Variants in SAMMSON observed in about 807,000 individuals in gnomAD.
SAMMSON encodes survival associated mitochondrial melanoma specific oncogenic non-coding RNA.
chr3:70,052,644 A>G (rs2067150821), intron 3 of SAMMSON, among the ~76,000 whole-genome samples: 1 of 152,116 alleles, frequency 6.6e-6, no homozygotes, highest in Non-Finnish European at 1.5e-5. Flanking sequence ...ATTTGCATGT[A>G]TGTTTAAATC....
At chr3:70,014,893 T>A (rs2066975424) in intron 3 of SAMMSON, 2 of 152,176 alleles carry the variant, frequency 1.3e-5, no homozygotes, top group Admixed American at 1.3e-4. Context: ...CTAAGGATGA[T>A]CGTGGGATTT....
At chr3:70,274,056 CGTGT>C (rs111792704) in intron 6 of SAMMSON, among the ~76,000 whole-genome samples, 65 of 142,952 alleles carry the variant, frequency 4.5e-4, no homozygotes, top group South Asian at 2.9e-3. Flanking sequence ...ATTAAACCTC[CGTGT>C]GTGTGTGTGT....
At chr3:70,405,742 C>T (rs1410821904) in intron 2 of SAMMSON, among the ~76,000 whole-genome samples, 2 of 151,944 alleles carry the variant, frequency 1.3e-5, no homozygotes, top group Non-Finnish European at 2.9e-5. Flanking sequence ...AGCTGGACTC[C>T]GGAAGGAGAG....
rs140459515 is a variant in SAMMSON, at chr3:70,204,220, G to A, written n.508-44887G>A. On this transcript the variant is annotated intron_variant and non_coding_transcript_variant, in intron 4 of 9. Coordinates refer to ENST00000642114, the Ensembl canonical transcript of SAMMSON. ...TAAATTAGCCACAAACTACATGAAA[G>A]TGGATGCAGTATTCTCTTTTCCCTT... is the stretch of plus-strand genomic sequence containing the variant. 2.8e-4 allele frequency among the ~76,000 whole-genome samples: 42 copies of A among 152,282 alleles called. 2 individuals are homozygous for A. Among genetic ancestry groups the A allele is most frequent in the African/African-American group, 8.9e-4 (37 of 41,570 alleles).
At chr3:70,318,301 T>C (rs1702509480) in intron 7 of SAMMSON, among the ~76,000 whole-genome samples, 1 of 151,950 alleles carries the variant, frequency 6.6e-6, no homozygotes, top group African/African-American at 2.4e-5. Flanking sequence ...GCTTTGATCA[T>C]TTTTTTCCCC....
intron 4 of SAMMSON, among the ~76,000 whole-genome samples, chr3:70,153,079 GA>G (rs904356720): frequency 9.9e-5 from 15 of 151,896 alleles, no homozygotes; most frequent in African/African-American, 2.9e-4. Context: ...ATTGTCCCTA[GA>G]AGTTATATAT....
At chr3:70,296,863 G>A (rs1212375728) in intron 7 of SAMMSON, among the ~76,000 whole-genome samples, 1 of 151,934 alleles carries the variant, frequency 6.6e-6, no homozygotes, top group African/African-American at 2.4e-5. Context: ...TGGCCTCTCT[G>A]TGCTTAGTGC....
intron 4 of SAMMSON, among the ~76,000 whole-genome samples, chr3:70,154,535 T>A (rs903551159): frequency 6.6e-6 from 1 of 152,034 alleles, no homozygotes; most frequent in Non-Finnish European, 1.5e-5. Flanking sequence ...TGAGCGCTCA[T>A]CAGCTGTTAA....
At chr3:70,055,870 C>G (rs925696905) in intron 3 of SAMMSON, among the ~76,000 whole-genome samples, 1 of 152,024 alleles carries the variant, frequency 6.6e-6, no homozygotes, top group African/African-American at 2.4e-5. Flanking sequence ...AGTGTGCCAT[C>G]TTAGTGCCTA....
chr3:70,301,231 C>T (rs962483862), intron 7 of SAMMSON, among the ~76,000 whole-genome samples: 1 of 152,012 alleles, frequency 6.6e-6, no homozygotes, highest in African/African-American at 2.4e-5. Flanking sequence ...TTAGCCCAAA[C>T]CTACTGAGTC....
chr3:70,238,826 C>G (rs1461575283), intron 4 of SAMMSON, among the ~76,000 whole-genome samples: 1 of 151,788 alleles, frequency 6.6e-6, no homozygotes, highest in Non-Finnish European at 1.5e-5. Context: ...TTTCTATGAC[C>G]TGTAATGGAA....
chr3:70,238,682 G>A (rs974912665), intron 4 of SAMMSON, among the ~76,000 whole-genome samples: 1 of 151,938 alleles, frequency 6.6e-6, no homozygotes, highest in South Asian at 2.1e-4. Context: ...TAAAGGCAGG[G>A]CACTTTAGCC....
At chr3:70,423,839 T>A (rs558200808) in intron 2 of SAMMSON, among the ~76,000 whole-genome samples, 10 of 152,274 alleles carry the variant, frequency 6.6e-5, no homozygotes, top group Non-Finnish European at 1.2e-4. Context: ...ATTTGTGTCA[T>A]AAAATAATGT....
At chr3:70,125,225 A>G in intron 4 of SAMMSON, 5 of 1,372,898 alleles carry the variant, frequency 3.6e-6, no homozygotes, top group South Asian at 1.2e-5. Context: ...TTGTCCTTTC[A>G]TACGACCTTC....
intron 4 of SAMMSON, among the ~76,000 whole-genome samples, chr3:70,237,284 A>T (rs902964405): frequency 6.6e-6 from 1 of 152,194 alleles, no homozygotes; most frequent in Non-Finnish European, 1.5e-5. Context: ...TCCAGTGCGG[A>T]TACACCACAA....
At chr3:70,405,952 A>T (rs1051181663) in intron 2 of SAMMSON, among the ~76,000 whole-genome samples, 1 of 152,214 alleles carries the variant, frequency 6.6e-6, no homozygotes, top group Non-Finnish European at 1.5e-5. Flanking sequence ...TGCCTGAGAA[A>T]AAGGCATATT....
chr3:70,104,680 A>T (rs1277976396), intron 4 of SAMMSON, among the ~76,000 whole-genome samples: 1 of 152,126 alleles, frequency 6.6e-6, no homozygotes, highest in African/African-American at 2.4e-5. Flanking sequence ...AAACTGTCAT[A>T]AGTTTTTAGA....
intron 4 of SAMMSON, among the ~76,000 whole-genome samples, chr3:70,175,511 A>G (rs920343853): frequency 6.6e-5 from 10 of 152,094 alleles, no homozygotes; most frequent in Admixed American, 3.3e-4. Flanking sequence ...AGCAGAAGGA[A>G]TAGATCTAGA....
At chr3:70,029,350 C>A (rs551313678) in intron 3 of SAMMSON, among the ~76,000 whole-genome samples, 1 of 152,208 alleles carries the variant, frequency 6.6e-6, no homozygotes, top group East Asian at 1.9e-4. Context: ...AATGTGGAAC[C>A]TTTTCTTAGT....
Sources: allele counts gnomAD v4.1 joint callset (sites outside exome capture counted in the v4.1 genomes callset), GRCh38; gene constraint gnomAD v4.1.1; transcripts MANE v1.5; gene names NCBI Gene and HGNC (gene_info 2026-07-23, HGNC 2026-07-21).